TLR10: variants seen among roughly 807,000 people sequenced by gnomAD.
TLR10 encodes the protein toll like receptor 10.
For synonymous variants in TLR10, 288 were observed against 338.8 expected (o/e 0.85, Z 1.65); for missense variants, 929 against 932.9 (o/e 1.00, Z 0.05).
At position 38,774,756 on chromosome 4, in the gene TLR10, C is replaced by T; in HGVS notation, c.835G>A (p.Val279Met). 1 of 1,601,916 alleles carries T rather than the reference C, an allele frequency of 6.2e-7. No individual in the cohort carries two copies. ...AGATAAGCCTTACCACCAAAAGTCACATTTCGGATCTGAAAGTGTTCCACT... is the reference window on the plus strand; with the variant it reads ...AGATAAGCCTTACCACCAAAAGTCATATTTCGGATCTGAAAGTGTTCCACT... ...TSVEHFQIRNVTFGGKAYLDH... is the reference protein window; with the variant it reads ...TSVEHFQIRNMTFGGKAYLDH... The change falls in exon 4 of 4, where the codon GTG becomes ATG. Residue 279 changes from valine (V) to methionine (M), a missense_variant. Transcript: ENST00000308973.
rs866403833 is a variant in TLR10 at position 38,774,444 on chromosome 4, T to G, written c.1147A>C (p.Lys383Gln). ...CTTACTAAAGAAAGTGTCTCCAGTT[T>G]ATTGCCATTCAAAATGAGAGTTTTC... ...HLKTLILNGN[K>Q]LETLSLVSCF... is the part of the protein sequence containing the mutation. The change falls in exon 4 of 4, where the codon AAA becomes CAA. Residue 383 changes from lysine (K) to glutamine (Q), a missense_variant. By Grantham distance (53) the Lys-to-Gln change is moderately conservative. Transcript: ENST00000308973. 2 of 1,612,760 alleles carry G rather than the reference T, an allele frequency of 1.2e-6. No individual in the cohort carries two copies. Among genetic ancestry groups the G allele is most frequent in the African/African-American group, 1.3e-5 (1 of 75,018 alleles).
chr4:38,778,271 G>C (rs559380207), intron 1 of TLR10, among the ~76,000 whole-genome samples: 1 of 152,070 alleles, frequency 6.6e-6, no homozygotes, highest in African/African-American at 2.4e-5. Context: ...GACACACACC[G>C]GGGCCTGTCA....
intron 1 of TLR10, among the ~76,000 whole-genome samples, chr4:38,781,253 A>G (rs2109324259): frequency 6.6e-6 from 1 of 151,434 alleles, no homozygotes; most frequent in Non-Finnish European, 1.5e-5. Flanking sequence ...CAATCTTCCC[A>G]CCTCAGCCTC....
Position 38,774,168 on chromosome 4 carries a change from A to G in TLR10, c.1423T>C (p.Phe475Leu). Reference sequence around the variant, plus strand: ...CCAGGGAGATCAGTTAGAAAATTAAATGCAATATTTAGTTCTCGTAAGGCC... The same window carrying G: ...CCAGGGAGATCAGTTAGAAAATTAAGTGCAATATTTAGTTCTCGTAAGGCC... ...LMALRELNIA[F>L]NFLTDLPGCS... Residue 475 changes from phenylalanine to leucine, a missense_variant, in exon 4 of 4, where the codon TTT (phenylalanine) becomes CTT (leucine). By Grantham distance (22) the Phe-to-Leu change is conservative (BLOSUM62 0). Coordinates refer to ENST00000308973, the MANE Select transcript of TLR10 (RefSeq NM_030956.4). The G allele has an allele frequency of 6.2e-7, 1 of 1,611,014 alleles. No individual in the cohort carries two copies. The highest frequency in any genetic ancestry group is 8.5e-7 in the Non-Finnish European group (1 of 1,178,412).
chr4:38,775,988 G>A (rs1725038706), intron 2 of TLR10, 25 bp from the exon 3 acceptor site: 2 of 156,970 alleles, frequency 1.3e-5, no homozygotes, highest in African/African-American at 2.4e-5. Context: ...AAAATTGAAA[G>A]TAATTTGTTT....
chr4:38,774,268 C>G lies in TLR10; in HGVS notation c.1323G>C (p.Leu441Phe), dbSNP rs533456514. The part of the protein sequence containing the change: ...NKLSDSVFRC[L>F]PKSIQILDLN... ...GGTCAAGTATTTGAATACTTTTGGG[C>G]AAGCACCTGAAGACAGAATCAGACA... is the stretch of plus-strand genomic sequence containing the variant. The change falls in exon 4 of 4, where the codon TTG becomes TTC. Residue 441 changes from leucine to phenylalanine, a missense_variant. Physicochemically the swap from Leu to Phe is conservative, Grantham distance 22. Coordinates refer to ENST00000308973, the MANE Select transcript of TLR10 (RefSeq NM_030956.4). 8 of 1,613,746 alleles carry G rather than the reference C, an allele frequency of 5.0e-6. No individual in the cohort carries two copies. The highest frequency in any genetic ancestry group is 5.9e-6 in the Non-Finnish European group (7 of 1,179,982).
At chr4:38,779,165 T>C (rs962436360) in intron 1 of TLR10, 2 of 152,220 alleles carry the variant, frequency 1.3e-5, no homozygotes, top group African/African-American at 4.8e-5. Context: ...TGATCATAGT[T>C]TCTTTGTGTG....
chr4:38,780,120 A>G (rs1340544506), intron 1 of TLR10, among the ~76,000 whole-genome samples: 1 of 152,212 alleles, frequency 6.6e-6, no homozygotes. Context: ...TGAGTTTGGT[A>G]GGCCTGGCGC....
chr4:38,780,190 A>C (rs6835923), intron 1 of TLR10, among the ~76,000 whole-genome samples: 1 of 151,780 alleles, frequency 6.6e-6, no homozygotes. Context: ...ATCACAAAGT[A>C]AGGAGATCAA....
Position 38,774,113 on chromosome 4 carries a change from A to C in TLR10, c.1478T>G (p.Leu493Arg), listed in dbSNP as rs1226908399. ...GAGAATGAAGTTCATTTCAATGTTC[A>C]GAACTGAAAGTCTACTGAAATGACT... is the stretch of plus-strand genomic sequence containing the variant. ...GCSHFSRLSV[L>R]NIEMNFILSP... is the part of the protein sequence containing the mutation. Residue 493 changes from leucine to arginine, a missense_variant, in exon 4 of 4, where the codon CTG (leucine) becomes CGG (arginine). By Grantham distance (102) the Leu-to-Arg change is moderately radical. Transcript: ENST00000308973. The C allele has an allele frequency of 6.2e-7, 1 of 1,611,258 alleles. No homozygotes were observed. The highest frequency in any genetic ancestry group is 8.5e-7 in the Non-Finnish European group (1 of 1,178,078).
At chr4:38,780,045 T>C (rs957015447) in intron 1 of TLR10, among the ~76,000 whole-genome samples, 1 of 152,198 alleles carries the variant, frequency 6.6e-6, no homozygotes, top group East Asian at 1.9e-4. Context: ...CTCATAAATA[T>C]GTGTTGAATG....
In TLR10 at chr4:38,774,632, TAG is replaced by T. The variant is rs2109307465; in HGVS notation, c.957_958del (p.Tyr320PhefsTer38). ...TATGTCCATTTTGGTCAAAAGCAAA[TAG>T]ATTTTATCCTGTTGAATGTAAAACA... On this transcript the variant is annotated frameshift_variant, in exon 4 of 4. Transcript: ENST00000308973. LOFTEE classifies it low-confidence loss of function (END_TRUNC). The T allele has an allele frequency of 6.3e-7, 1 of 1,580,188 alleles. No individual in the cohort carries two copies. The highest frequency in any genetic ancestry group is 8.6e-7 in the Non-Finnish European group (1 of 1,167,816).
chr4:38,773,952 A>G lies in TLR10; in HGVS notation c.1639T>C (p.Trp547Arg). The G allele has an allele frequency of 6.3e-7, 1 of 1,581,050 alleles. No homozygotes were observed. Among genetic ancestry groups the G allele is most frequent in the Non-Finnish European group, 8.6e-7 (1 of 1,162,888 alleles). ...TATTCACAGGTGTATGAATCTGACC[A>G]TCCAACCATCATGACCTCTGAATAT... Reference protein sequence around the residue: ...ETYSEVMMVGWSDSYTCEYPL... With the variant: ...ETYSEVMMVGRSDSYTCEYPL... The change falls in exon 4 of 4, where the codon TGG becomes CGG. Residue 547 changes from tryptophan to arginine, a missense_variant. Transcript: ENST00000308973.
In TLR10 at chr4:38,774,301, G is replaced by T. The variant is rs73236610; in HGVS notation, c.1290C>A (p.Tyr430Ter). ...PETVVNMNLS[Y>*]NKLSDSVFRC... ...TGAAGACAGAATCAGACAATTTATT[G>T]TATGACAGATTCATATTGACCACAG... Residue 430 changes from tyrosine to a stop codon, truncating the protein, a stop_gained, in exon 4 of 4, where the codon TAC becomes TAA. Transcript: ENST00000308973. LOFTEE classifies it low-confidence loss of function (END_TRUNC). 2.5e-5 allele frequency: 41 copies of T among 1,612,684 alleles called. No homozygotes were observed. The highest frequency in any genetic ancestry group is 3.5e-5 in the Non-Finnish European group (41 of 1,179,612).
rs145230903 is a variant in TLR10, at chr4:38,776,863, G to A, written c.-568-437C>T. ...TGACTCACAATTCCACATGCCTGGG[G>A]AGGCCTCACAATCATGGTGGAAGGC... is the stretch of plus-strand genomic sequence containing the variant. On this transcript the variant is annotated intron_variant, in intron 1 of 3. Coordinates refer to ENST00000308973, the MANE Select transcript of TLR10 (RefSeq NM_030956.4). 1.1e-4 allele frequency among the ~76,000 whole-genome samples: 16 copies of A among 152,222 alleles called. No individual in the cohort carries two copies. The East Asian group carries it at 3.1e-3, about 29-fold the overall frequency.
intron 1 of TLR10, among the ~76,000 whole-genome samples, chr4:38,781,415 A>C (rs1018097793): frequency 2.0e-5 from 3 of 151,886 alleles, no homozygotes; most frequent in African/African-American, 7.3e-5. Flanking sequence ...GCTCACTGCA[A>C]GCTCCACCTC....
At chr4:38,780,817 C>T (rs1303843474) in intron 1 of TLR10, among the ~76,000 whole-genome samples, 1 of 152,112 alleles carries the variant, frequency 6.6e-6, no homozygotes, top group Non-Finnish European at 1.5e-5. Context: ...TTTCTTTTGC[C>T]TCAGGCTCTA....
At chr4:38,780,084 C>T (rs992267014) in intron 1 of TLR10, among the ~76,000 whole-genome samples, 1 of 152,152 alleles carries the variant, frequency 6.6e-6, no homozygotes, top group Non-Finnish European at 1.5e-5. Context: ...ATTCCTGATA[C>T]AGTGCAGGGC....
chr4:38,777,039 C>T (rs1317518037), intron 1 of TLR10, among the ~76,000 whole-genome samples: 5 of 152,184 alleles, frequency 3.3e-5, no homozygotes, highest in Non-Finnish European at 5.9e-5. Context: ...TCAATTACTT[C>T]CCACCAGGTC....
Sources: allele counts gnomAD v4.1 joint callset (sites outside exome capture counted in the v4.1 genomes callset), GRCh38; gene constraint gnomAD v4.1.1; transcripts MANE v1.5; gene names NCBI Gene and HGNC (gene_info 2026-07-23, HGNC 2026-07-21).